KIF21A: variants seen among roughly 807,000 people sequenced by gnomAD.
KIF21A encodes kinesin-like protein KIF21A.
A neutral mutation model predicts 202.9 loss-of-function variants in KIF21A; 114 were observed. The observed-to-expected ratio is 0.56, with a 90% CI of 0.48 to 0.66. KIF21A has a LOEUF of 0.66. Ranked by LOEUF, KIF21A falls within the 30% of genes least tolerant of loss-of-function variation. The pLI is 0.00. For missense variants in KIF21A, 1,677 were observed against 1,994.9 expected (o/e 0.84, Z 3.04); for synonymous variants, 667 against 670.8 (o/e 0.99, Z 0.09).
At chr12:39,418,766 C>G (rs1271106779) in intron 1 of KIF21A, among the ~76,000 whole-genome samples, 3 of 152,294 alleles carry the variant, frequency 2.0e-5, no homozygotes, top group South Asian at 4.1e-4. Context: ...AGAACACCCA[C>G]AAATTACCAA....
chr12:39,392,036 C>G (rs925793613), intron 1 of KIF21A, among the ~76,000 whole-genome samples: 3 of 152,070 alleles, frequency 2.0e-5, no homozygotes, highest in Non-Finnish European at 4.4e-5. Flanking sequence ...CCGCACCCAG[C>G]CTTAAACTGC....
chr12:39,306,044 G>A (rs1024078346), intron 34 of KIF21A, among the ~76,000 whole-genome samples: 4 of 152,166 alleles, frequency 2.6e-5, no homozygotes, highest in Admixed American at 2.6e-4. Flanking sequence ...CTATGCGGCT[G>A]GTAGAAAACT....
At chr12:39,382,329 G>T (rs1566072026) in intron 1 of KIF21A, among the ~76,000 whole-genome samples, 1 of 152,024 alleles carries the variant, frequency 6.6e-6, no homozygotes, top group Non-Finnish European at 1.5e-5. Flanking sequence ...CATTGCCATA[G>T]AAAAAATTCC....
At chr12:39,356,458 A>C (rs1948780422) in intron 10 of KIF21A, 1 of 165,822 alleles carries the variant, frequency 6.0e-6, no homozygotes, top group African/African-American at 2.4e-5. Context: ...GGAGATTCAA[A>C]AAATTGGAGA....
chr12:39,383,957 G>A (rs1950780715), intron 1 of KIF21A, among the ~76,000 whole-genome samples: 1 of 152,112 alleles, frequency 6.6e-6, no homozygotes, highest in Non-Finnish European at 1.5e-5. Flanking sequence ...GAGTGGTCTA[G>A]GAGCTGAGAT....
At chr12:39,358,118 G>A in intron 8 of KIF21A, 60 bp downstream of exon 8, 1 of 1,390,386 alleles carries the variant, frequency 7.2e-7, no homozygotes, top group Non-Finnish European at 1.0e-6. Context: ...GCATTATTGT[G>A]TTCAGAAAGT....
chr12:39,335,898 C>T (rs17127036), intron 17 of KIF21A, among the ~76,000 whole-genome samples: 10,355 of 152,272 alleles, frequency 0.068, 539 homozygotes, highest in South Asian at 0.29. Flanking sequence ...AAAATATCCG[C>T]TATCCACTTT....
intron 1 of KIF21A, among the ~76,000 whole-genome samples, chr12:39,379,250 C>T (rs1950458564): frequency 1.3e-5 from 2 of 150,294 alleles, no homozygotes; most frequent in African/African-American, 4.9e-5. Flanking sequence ...ATTGCTTGAA[C>T]ATAGGAGGCA....
chr12:39,349,273 T>C (rs1468521770), intron 11 of KIF21A, among the ~76,000 whole-genome samples: 2 of 152,090 alleles, frequency 1.3e-5, no homozygotes, highest in Non-Finnish European at 2.9e-5. Flanking sequence ...CAGAAATCAT[T>C]TTATGTGAGT....
chr12:39,326,947 A>G (rs1202184816), intron 24 of KIF21A, among the ~76,000 whole-genome samples: 1 of 152,190 alleles, frequency 6.6e-6, no homozygotes, highest in East Asian at 1.9e-4. Context: ...CAAATAAACC[A>G]CTGCTATTTC....
At chr12:39,321,324 A>G (rs1007238818) in intron 27 of KIF21A, 9 of 152,204 alleles carry the variant, frequency 5.9e-5, no homozygotes, top group Admixed American at 2.0e-4. Flanking sequence ...ACATTTTTAA[A>G]ATGTAAAAAG....
chr12:39,324,493 T>C (rs550189833), intron 26 of KIF21A, among the ~76,000 whole-genome samples: 1 of 152,334 alleles, frequency 6.6e-6, no homozygotes, highest in South Asian at 2.1e-4. Flanking sequence ...TTTAGACACT[T>C]AGAATAATAA....
chr12:39,352,325 T>A (rs557145237), intron 10 of KIF21A, among the ~76,000 whole-genome samples: 2 of 152,248 alleles, frequency 1.3e-5, no homozygotes, highest in East Asian at 3.9e-4. Context: ...AAAATGCATT[T>A]CAACATGGCT....
At chr12:39,322,928 A>G (rs779205127) in intron 26 of KIF21A, 46 bp from the exon 27 acceptor site, 1 of 1,243,786 alleles carries the variant, frequency 8.0e-7, no homozygotes, top group East Asian at 3.2e-5. Flanking sequence ...AAACTCTTGC[A>G]TAGAAGCTGA....
chr12:39,441,707 A>AGT, intron 1 of KIF21A, among the ~76,000 whole-genome samples: 1 of 148,676 alleles, frequency 6.7e-6, no homozygotes. Context: ...TTATTATTTA[A>AGT]GTTAATTAAA....
At position 39,322,745 on chromosome 12, in the gene KIF21A, A is replaced by C; in HGVS notation, c.3594T>G (p.Asn1198Lys). ...TAGCAGAAGTACCACTTGTCTCTGT[A>C]TTCATTCCAATCTCTTGCCCTTCTG... is the stretch of plus-strand genomic sequence containing the variant. Reference protein sequence around the residue: ...PVAEGQEIGMNTETSGTSARE... With the variant: ...PVAEGQEIGMKTETSGTSARE... Residue 1198 changes from asparagine (N) to lysine (K), a missense_variant, in exon 27 of 38, where the codon AAT becomes AAG. By Grantham distance (94) the Asn-to-Lys change is moderately conservative (BLOSUM62 0). Coordinates refer to ENST00000361418, the MANE Select transcript of KIF21A (RefSeq NM_001173464.2). 6.2e-7 allele frequency: 1 copy of C among 1,614,122 alleles called. No individual in the cohort carries two copies. The highest frequency in any genetic ancestry group is 8.5e-7 in the Non-Finnish European group (1 of 1,180,016).
rs536818135 is a variant in KIF21A at position 39,351,990 on chromosome 12, A to G, written c.1470-10T>C. 13 of 1,594,238 alleles carry G rather than the reference A, an allele frequency of 8.2e-6. No individual in the cohort carries two copies. The East Asian group carries it at 2.5e-4, about 30-fold the overall frequency. The stretch of plus-strand genomic sequence containing the variant: ...TTCTAATAATTTTGCCCTAGCAAAT[A>G]AAAATATATTTAAATAGGGAGCATT... On this transcript the variant is annotated splice_polypyrimidine_tract_variant and intron_variant, in intron 10 of 37. Coordinates refer to ENST00000361418, the MANE Select transcript of KIF21A (RefSeq NM_001173464.2).
At chr12:39,406,172 CA>C in intron 1 of KIF21A, among the ~76,000 whole-genome samples, 1 of 151,736 alleles carries the variant, frequency 6.6e-6, no homozygotes, top group Admixed American at 6.6e-5. Flanking sequence ...AAAAAAAAGC[CA>C]AACAAACACA....
At position 39,346,489 on chromosome 12, in the gene KIF21A, C is replaced by A; in HGVS notation, c.1689G>T (p.Glu563Asp). 1 of 1,477,358 alleles carries A rather than the reference C, an allele frequency of 6.8e-7. No homozygotes were observed. Among genetic ancestry groups the A allele is most frequent in the Non-Finnish European group, 9.0e-7 (1 of 1,117,014 alleles). 91.5% of individuals were successfully genotyped at this position (1,477,358 alleles called of 1,614,324 possible). The change falls in exon 12 of 38, where the codon GAG (glutamate) becomes GAT (aspartate). Residue 563 changes from glutamate to aspartate, a missense_variant. Glu to Asp is a conservative substitution (Grantham distance 45). Coordinates refer to ENST00000361418, the MANE Select transcript of KIF21A (RefSeq NM_001173464.2). The stretch of plus-strand genomic sequence containing the variant: ...ACCTTCTTTCTTCTCGATTGCTTTC[C>A]TCAAGTTTCTGTAGCCTTCAAAATC... ...KRKKKRLQKL[E>D]ESNREERSVA...
Sources: allele counts gnomAD v4.1 joint callset (sites outside exome capture counted in the v4.1 genomes callset), GRCh38; gene constraint gnomAD v4.1.1; transcripts MANE v1.5; gene names NCBI Gene and HGNC (gene_info 2026-07-23, HGNC 2026-07-21).